Variants in WASL observed in about 807,000 individuals in gnomAD.
WASL encodes the protein WASP like actin nucleation promoting factor.
Under a neutral mutation model 55.5 loss-of-function variants are expected in WASL, and 20 were observed. That is an observed-to-expected ratio of 0.36 (90% CI 0.25 to 0.52). WASL has a LOEUF of 0.52. Ranked by LOEUF, WASL falls within the 20% of genes least tolerant of loss-of-function variation. The pLI is 0.92. For missense variants in WASL, 504 were observed against 622.5 expected, an observed-to-expected ratio of 0.81 and a Z score of 2.03; for synonymous variants, 249 against 217.6, an observed-to-expected ratio of 1.14 and a Z score of -1.27.
In WASL at chr7:123,683,557, T is replaced by C. The variant is rs989724910; in HGVS notation, c.*962A>G. 4 of 151,860 alleles carry C rather than the reference T, an allele frequency of 2.6e-5. No homozygotes were observed. The highest frequency in any genetic ancestry group is 5.9e-5 in the Non-Finnish European group (4 of 67,902). 9.4% of individuals were successfully genotyped at this position (151,860 alleles called of 1,614,324 possible). A position where few individuals can be genotyped will look rare whatever the true frequency, so the allele number is the denominator to read the frequency against. Reference sequence around the variant, plus strand: ...ACCTTTGCCAACTAGATTACATTTTTATGGTTGGTATTTCTGAACACCTCA... The same window carrying C: ...ACCTTTGCCAACTAGATTACATTTTCATGGTTGGTATTTCTGAACACCTCA... On this transcript the variant is annotated 3_prime_UTR_variant, in exon 11 of 11. Coordinates refer to ENST00000223023, the MANE Select transcript of WASL (RefSeq NM_003941.4).
rs1562969237 is a variant in WASL, at chr7:123,748,700, C to CCCG, written c.34_35insCGG (p.Arg12delinsProGly). The CCCG allele has an allele frequency of 1.2e-6, 2 of 1,600,060 alleles. No homozygotes were observed. The highest frequency in any genetic ancestry group is 4.5e-5 in the East Asian group (2 of 44,212). ...CAGGGACCCCACGTTGGTGACCCTC[C>CCCG]GCGGCGGCGGCGGCTGCTGCTGGAC... is the stretch of plus-strand genomic sequence containing the variant. On this transcript the variant is annotated protein_altering_variant, in exon 1 of 11. Transcript: ENST00000223023.
At chr7:123,711,143 A>C (rs147381812) in intron 1 of WASL, among the ~76,000 whole-genome samples, 181 of 152,188 alleles carry the variant, frequency 1.2e-3, no homozygotes, top group African/African-American at 3.8e-3. Flanking sequence ...CACACACACA[A>C]AAAAGTTATT....
At chr7:123,717,563 G>A (rs1019737539) in intron 1 of WASL, among the ~76,000 whole-genome samples, 3 of 152,338 alleles carry the variant, frequency 2.0e-5, no homozygotes, top group Non-Finnish European at 2.9e-5. Flanking sequence ...CCTGCTGGGT[G>A]TGACATACTA....
intron 1 of WASL, among the ~76,000 whole-genome samples, chr7:123,747,964 C>T (rs1804463957): frequency 6.6e-6 from 1 of 151,930 alleles, no homozygotes; most frequent in Non-Finnish European, 1.5e-5. Context: ...GAGCAGCACC[C>T]CCTCCCACCA....
intron 1 of WASL, among the ~76,000 whole-genome samples, chr7:123,717,526 A>C (rs1232288147): frequency 6.6e-6 from 1 of 152,138 alleles, no homozygotes; most frequent in Non-Finnish European, 1.5e-5. Flanking sequence ...TCTTTAACCC[A>C]AGGATTTGCA....
At chr7:123,717,438 T>C (rs1465867780) in intron 1 of WASL, among the ~76,000 whole-genome samples, 3 of 152,244 alleles carry the variant, frequency 2.0e-5, no homozygotes, top group Non-Finnish European at 4.4e-5. Context: ...CCATCAAGAA[T>C]GCACTATCTC....
intron 2 of WASL, among the ~76,000 whole-genome samples, chr7:123,707,402 GAA>G (rs1250515922): frequency 2.0e-5 from 3 of 152,116 alleles, no homozygotes; most frequent in Non-Finnish European, 4.4e-5. Flanking sequence ...TCATGATGCA[GAA>G]AGAGACTGAT....
At chr7:123,699,100 C>T (rs1390878238) in intron 5 of WASL, among the ~76,000 whole-genome samples, 1 of 152,128 alleles carries the variant, frequency 6.6e-6, no homozygotes, top group Non-Finnish European at 1.5e-5. Context: ...ATTAGGTACT[C>T]CCTGGCCAGG....
chr7:123,726,977 T>C (rs1268386492), intron 1 of WASL, among the ~76,000 whole-genome samples: 1 of 151,932 alleles, frequency 6.6e-6, no homozygotes, highest in African/African-American at 2.4e-5. Flanking sequence ...TCCCTACAAA[T>C]CATTAATAAA....
In WASL at chr7:123,692,610, G is replaced by A; in HGVS notation, c.1084C>T (p.Pro362Ser). 6.2e-7 allele frequency: 1 copy of A among 1,604,010 alleles called. No homozygotes were observed. The highest frequency in any genetic ancestry group is 8.5e-7 in the Non-Finnish European group (1 of 1,175,328). Residue 362 changes from proline (P) to serine (S), a missense_variant, in exon 9 of 11, where the codon CCT (proline) becomes TCT (serine). Coordinates refer to ENST00000223023, the MANE Select transcript of WASL (RefSeq NM_003941.4). ...GGCCCTACCCCCAACACAGATGGAG[G>A]TGGTGGTGGAGGCCCTGAAGGTGCT... is the stretch of plus-strand genomic sequence containing the variant. ...SSAPSGPPPP[P>S]PSVLGVGPVA...
intron 1 of WASL, among the ~76,000 whole-genome samples, chr7:123,709,783 AG>A (rs1341551734): frequency 6.6e-6 from 1 of 152,224 alleles, no homozygotes; most frequent in African/African-American, 2.4e-5. Flanking sequence ...CAAACTTGAA[AG>A]CAGTATTACC....
intron 1 of WASL, among the ~76,000 whole-genome samples, chr7:123,731,453 T>C (rs1804135120): frequency 6.6e-6 from 1 of 152,164 alleles, no homozygotes; most frequent in Non-Finnish European, 1.5e-5. Flanking sequence ...ACCAATCAAC[T>C]GGATCTAGTT....
chr7:123,720,084 A>G (rs1045263879), intron 1 of WASL, among the ~76,000 whole-genome samples: 11 of 152,168 alleles, frequency 7.2e-5, no homozygotes, highest in African/African-American at 2.7e-4. Flanking sequence ...GTTACCCCCA[A>G]ACCTGTTTCC....
intron 1 of WASL, among the ~76,000 whole-genome samples, chr7:123,740,664 T>C (rs911675347): frequency 6.6e-5 from 10 of 152,086 alleles, no homozygotes; most frequent in African/African-American, 2.4e-4. Context: ...GCCCTCATCA[T>C]GGCTTACTGC....
In WASL at chr7:123,724,236, T is replaced by A. The variant is rs533848410; in HGVS notation, c.118-15013A>T. Among the ~76,000 whole-genome samples, 4 of 152,308 alleles carry A rather than the reference T, an allele frequency of 2.6e-5. No individual in the cohort carries two copies. In the East Asian group the frequency reaches 7.7e-4, roughly 29 times the overall value. On this transcript the variant is annotated intron_variant, in intron 1 of 10. Coordinates refer to ENST00000223023, the MANE Select transcript of WASL (RefSeq NM_003941.4). ...CAAGCTATTTCTTAGTCTGGGGCAATCAACACTTTGACACTATCTTGTTAT... is the reference window on the plus strand; with the variant it reads ...CAAGCTATTTCTTAGTCTGGGGCAAACAACACTTTGACACTATCTTGTTAT...
At chr7:123,700,539 A>C (rs1469514013) in intron 5 of WASL, among the ~76,000 whole-genome samples, 1 of 152,034 alleles carries the variant, frequency 6.6e-6, no homozygotes, top group East Asian at 1.9e-4. Context: ...CTCCGGGTTC[A>C]AGTGATTCTC....
At chr7:123,706,177 G>T in intron 4 of WASL, 100 bp downstream of exon 4, 1 of 1,126,086 alleles carries the variant, frequency 8.9e-7, no homozygotes, top group Non-Finnish European at 1.3e-6. Flanking sequence ...ATACAGTTAA[G>T]TTTCAGTAAA....
intron 1 of WASL, among the ~76,000 whole-genome samples, chr7:123,731,042 C>T (rs1804127796): frequency 6.6e-6 from 1 of 152,006 alleles, no homozygotes; most frequent in South Asian, 2.1e-4. Flanking sequence ...TAAAAACACA[C>T]AGATAAATTA....
At chr7:123,694,957 T>C in intron 7 of WASL, 89 bp from the exon 8 acceptor site, 1 of 1,414,132 alleles carries the variant, frequency 7.1e-7, no homozygotes, top group East Asian at 2.4e-5. Flanking sequence ...TCTGAAATTA[T>C]TTTGCCTAAA....
Sources: gnomAD v4.1 joint callset for allele counts (sites outside exome capture counted in the v4.1 genomes callset) on GRCh38, gnomAD v4.1.1 for gene constraint, MANE v1.5 for transcripts, NCBI Gene and HGNC (gene_info 2026-07-23, HGNC 2026-07-21) for gene names.